Variants in FNIP1 observed in about 807,000 individuals in gnomAD.
FNIP1 encodes folliculin interacting protein 1, also known as folliculin-interacting protein 1.
Under a neutral mutation model 124.5 loss-of-function variants are expected in FNIP1, and 40 were observed. The observed-to-expected ratio is 0.32, with a 90% CI of 0.25 to 0.42. The LOEUF is 0.42. Ranked by LOEUF, FNIP1 falls within the 10% of genes least tolerant of loss-of-function variation. The pLI is 1.00. For synonymous variants in FNIP1, 472 were observed against 470.6 expected (o/e 1.00, Z -0.04); for missense variants, 1,176 against 1,403.7 (o/e 0.84, Z 2.59).
intron 2 of FNIP1, among the ~76,000 whole-genome samples, chr5:131,740,575 T>C (rs911859676): frequency 3.3e-5 from 5 of 152,198 alleles, no homozygotes; most frequent in Non-Finnish European, 7.3e-5. Flanking sequence ...ATAAGGATAA[T>C]AGTGTGATAA....
At chr5:131,784,019 A>AG (rs1258167427) in intron 1 of FNIP1, among the ~76,000 whole-genome samples, 4 of 151,768 alleles carry the variant, frequency 2.6e-5, no homozygotes, top group African/African-American at 7.3e-5. Flanking sequence ...AAAAAAAAAA[A>AG]AAGAAGGAAA....
chr5:131,645,519 T>C (rs1440918955), intron 17 of FNIP1, among the ~76,000 whole-genome samples: 1 of 147,934 alleles, frequency 6.8e-6, no homozygotes, highest in Non-Finnish European at 1.5e-5. Flanking sequence ...TCAGATACCA[T>C]TTTTTAGATA....
chr5:131,784,615 G>C (rs1446240650), intron 1 of FNIP1, among the ~76,000 whole-genome samples: 3 of 152,032 alleles, frequency 2.0e-5, no homozygotes, highest in African/African-American at 7.2e-5. Flanking sequence ...GAGCCCAGGA[G>C]TTCGAGACCA....
chr5:131,709,556 T>C (rs1769222850), intron 7 of FNIP1, among the ~76,000 whole-genome samples: 1 of 152,216 alleles, frequency 6.6e-6, no homozygotes, highest in African/African-American at 2.4e-5. Flanking sequence ...GACATATTTA[T>C]AATATACTAT....
At chr5:131,660,304 T>C (rs1175869642) in intron 15 of FNIP1, among the ~76,000 whole-genome samples, 1 of 152,120 alleles carries the variant, frequency 6.6e-6, no homozygotes, top group African/African-American at 2.4e-5. Flanking sequence ...GTTTGAGTTC[T>C]GCTAAGGCAC....
At chr5:131,716,743 C>CA in intron 5 of FNIP1, 87 bp from the exon 6 acceptor site, 1 of 732,644 alleles carries the variant, frequency 1.4e-6, no homozygotes, top group Non-Finnish European at 2.2e-6. Context: ...ATTTTAAGTG[C>CA]AAAAACAGTT....
intron 1 of FNIP1, among the ~76,000 whole-genome samples, chr5:131,780,775 C>G (rs368459986): frequency 3.3e-5 from 5 of 152,274 alleles, no homozygotes; most frequent in African/African-American, 9.6e-5. Flanking sequence ...ATCTCTCCCC[C>G]TTTCCTGGAG....
rs1189307491 is a variant in FNIP1 at position 131,672,979 on chromosome 5, A to G, written c.1520-55T>C. 3.1e-6 allele frequency: 4 copies of G among 1,270,708 alleles called. No individual in the cohort carries two copies. In the East Asian group the frequency reaches 9.6e-5, roughly 31 times the overall value. 78.7% of individuals were successfully genotyped at this position (1,270,708 alleles called of 1,614,324 possible). ...TGTCCTTTACTGACACAGCTAAGTA[A>G]GCTATTTTTAATGATCAGAAACCTA... On this transcript the variant is annotated intron_variant, in intron 13 of 17. Transcript: ENST00000510461.
At chr5:131,761,340 G>T (rs1771223909) in intron 1 of FNIP1, among the ~76,000 whole-genome samples, 1 of 152,120 alleles carries the variant, frequency 6.6e-6, no homozygotes, top group Non-Finnish European at 1.5e-5. Context: ...AATTAAGCTT[G>T]TCTGCAGAGA....
In FNIP1 at chr5:131,719,365, G is replaced by A; in HGVS notation, c.407C>T (p.Ser136Leu). The change falls in exon 4 of 18, where the codon TCA (serine) becomes TTA (leucine). Residue 136 changes from serine (S) to leucine (L), a missense_variant. Around this residue, in one of 2 missense-constraint regions of FNIP1, gnomAD observed 1,109 missense variants for 1,288.5 expected, o/e 0.86. Transcript: ENST00000510461. ...ANMLGEMMFG[S>L]VAMSYKGSTL... The stretch of plus-strand genomic sequence containing the variant: ...GGATCCTTTGTAGCTCATTGCTACT[G>A]AGCCAAACATCATCTCTCCAAGCAT... 6.2e-7 allele frequency: 1 copy of A among 1,613,158 alleles called. No individual in the cohort carries two copies. The highest frequency in any genetic ancestry group is 8.5e-7 in the Non-Finnish European group (1 of 1,179,766).
At chr5:131,709,341 A>ACCTG in intron 7 of FNIP1, 69 bp from the exon 8 acceptor site, 4 of 1,336,218 alleles carry the variant, frequency 3.0e-6, no homozygotes, top group Non-Finnish European at 4.3e-6. Context: ...AGCTCCTTTT[A>ACCTG]AATAGCAAAC....
Position 131,644,561 on chromosome 5 carries a change from C to T in FNIP1, c.*124G>A. 1.3e-6 allele frequency: 1 copy of T among 766,856 alleles called. No homozygotes were observed. The highest frequency in any genetic ancestry group is 2.3e-5 in the Admixed American group (1 of 44,098). 47.5% of individuals were successfully genotyped at this position (766,856 alleles called of 1,614,324 possible). ...GAATATACAATGCTATGCAGAATAC[C>T]CTGGTGACTGACTCATTCAGATGGA... On this transcript the variant is annotated 3_prime_UTR_variant, in exon 18 of 18. Transcript: ENST00000510461.
At chr5:131,774,064 G>A (rs1031173509) in intron 1 of FNIP1, among the ~76,000 whole-genome samples, 41 of 152,316 alleles carry the variant, frequency 2.7e-4, no homozygotes, top group Middle Eastern at 6.8e-3. Flanking sequence ...GTCTCATTCT[G>A]TTAACAAGCT....
intron 10 of FNIP1, among the ~76,000 whole-genome samples, chr5:131,699,275 G>T (rs1013793860): frequency 2.0e-5 from 3 of 151,920 alleles, no homozygotes; most frequent in Non-Finnish European, 4.4e-5. Context: ...AACTGATGTT[G>T]ACAGTTTCTG....
At chr5:131,702,785 T>G (rs180805330) in intron 10 of FNIP1, among the ~76,000 whole-genome samples, 3 of 152,378 alleles carry the variant, frequency 2.0e-5, no homozygotes, top group Admixed American at 6.5e-5. Flanking sequence ...CACTCCTTCC[T>G]TGAAATACTT....
At chr5:131,765,261 G>A (rs771542725) in intron 1 of FNIP1, among the ~76,000 whole-genome samples, 1 of 152,098 alleles carries the variant, frequency 6.6e-6, no homozygotes, top group Non-Finnish European at 1.5e-5. Context: ...TTTTCTTTCA[G>A]TTAATGGAAG....
chr5:131,721,605 T>C (rs1004326432), intron 3 of FNIP1, among the ~76,000 whole-genome samples: 2 of 152,180 alleles, frequency 1.3e-5, no homozygotes, highest in African/African-American at 4.8e-5. Flanking sequence ...AAGACCAGCC[T>C]GGCCAACATG....
chr5:131,644,397 T>C lies in FNIP1; in HGVS notation c.*288A>G, dbSNP rs1766808146. On this transcript the variant is annotated 3_prime_UTR_variant, in exon 18 of 18. Transcript: ENST00000510461. ...TGATCACATGAAACTCTTGATAATATTCATTTTGTAGAAATTTCTACCGTA... is the reference window on the plus strand; with the variant it reads ...TGATCACATGAAACTCTTGATAATACTCATTTTGTAGAAATTTCTACCGTA... 2 of 258,954 alleles carry C rather than the reference T, an allele frequency of 7.7e-6. No homozygotes were observed. The highest frequency in any genetic ancestry group is 1.0e-4 in the South Asian group (2 of 19,362). 16.0% of individuals were successfully genotyped at this position (258,954 alleles called of 1,614,324 possible).
intron 3 of FNIP1, among the ~76,000 whole-genome samples, chr5:131,729,990 C>T (rs1158662505): frequency 1.3e-5 from 2 of 151,898 alleles, no homozygotes; most frequent in East Asian, 3.9e-4. Context: ...ATCCGCCCAC[C>T]TCAGCCTCCC....
Sources: allele counts gnomAD v4.1 joint callset (sites outside exome capture counted in the v4.1 genomes callset), GRCh38; gene constraint gnomAD v4.1.1; regional missense constraint gnomAD v4.1.1; transcripts MANE v1.5; gene names NCBI Gene and HGNC (gene_info 2026-07-23, HGNC 2026-07-21).